Variants in CHD6 observed in about 807,000 individuals in gnomAD.
CHD6 encodes chromodomain helicase DNA binding protein 6.
Under a neutral mutation model 276.9 loss-of-function variants are expected in CHD6, and 50 were observed. The observed-to-expected ratio is 0.18, with a 90% CI of 0.14 to 0.23. The LOEUF is 0.23. Among genes scored for constraint, CHD6 ranks in the 10% least tolerant of loss-of-function variants. The probability of loss-of-function intolerance (pLI) is 1.00; values close to 1 mark genes in which losing one functional copy is unlikely to be tolerated. For missense variants in CHD6, 2,564 were observed against 3,365.8 expected, an observed-to-expected ratio of 0.76 and a Z score of 5.89; for synonymous variants, 1,173 against 1,229.3, an observed-to-expected ratio of 0.95 and a Z score of 0.96.
intron 1 of CHD6, among the ~76,000 whole-genome samples, chr20:41,586,491 C>T (rs1296817603): frequency 2.0e-5 from 3 of 152,180 alleles, no homozygotes; most frequent in African/African-American, 4.8e-5. Context: ...GAACTCACTG[C>T]GTGGGCCAAG....
intron 20 of CHD6, among the ~76,000 whole-genome samples, chr20:41,453,473 C>T (rs1046142288): frequency 3.3e-5 from 5 of 152,182 alleles, no homozygotes; most frequent in South Asian, 2.1e-4. Flanking sequence ...TCAGGAGCCT[C>T]GGTCATTCTG....
chr20:41,613,657 G>A (rs2045909442), intron 1 of CHD6, among the ~76,000 whole-genome samples: 1 of 152,192 alleles, frequency 6.6e-6, no homozygotes. Context: ...TCAGCATCCA[G>A]GCAGAAGATT....
chr20:41,440,942 A>G (rs1023773164), intron 25 of CHD6, among the ~76,000 whole-genome samples: 2 of 152,104 alleles, frequency 1.3e-5, no homozygotes, highest in South Asian at 2.1e-4. Context: ...TTTCATTTCT[A>G]TTTTGGTTTT....
chr20:41,454,791 A>C, intron 19 of CHD6, 55 bp from the exon 20 acceptor site: 1 of 1,226,338 alleles, frequency 8.2e-7, no homozygotes, highest in Non-Finnish European at 1.2e-6. Context: ...CAAACTAATA[A>C]AACACCAGTG....
rs200195592 is a variant in CHD6, at chr20:41,562,109, A to AC, written c.-23-10750_-23-10749insG. On this transcript the variant is annotated intron_variant, in intron 1 of 36. Coordinates refer to ENST00000373233, the MANE Select transcript of CHD6 (RefSeq NM_032221.5). The stretch of plus-strand genomic sequence containing the variant: ...CTAATTTTCTGTCTCATTTACAACA[A>AC]AACAAAAAAAAAACTCTTCATGTTC... Among the ~76,000 whole-genome samples, 363 of 151,908 alleles carry AC rather than the reference A, an allele frequency of 2.4e-3. 1 individual carries two copies. Among genetic ancestry groups the AC allele is most frequent in the African/African-American group, 7.2e-3 (298 of 41,438 alleles).
chr20:41,584,361 G>A (rs1480414457), intron 1 of CHD6, among the ~76,000 whole-genome samples: 2 of 152,116 alleles, frequency 1.3e-5, no homozygotes, highest in Admixed American at 1.3e-4. Flanking sequence ...GAATTGTAAG[G>A]AGAAATACAC....
intron 1 of CHD6, among the ~76,000 whole-genome samples, chr20:41,577,580 C>A (rs982564842): frequency 6.6e-6 from 1 of 152,192 alleles, no homozygotes; most frequent in Non-Finnish European, 1.5e-5. Context: ...TGCTCCTTTA[C>A]GTGGACATGT....
At chr20:41,456,082 TAC>T in intron 18 of CHD6, 103 bp from the exon 19 acceptor site, 1 of 1,130,218 alleles carries the variant, frequency 8.8e-7, no homozygotes, top group Non-Finnish European at 1.2e-6. Flanking sequence ...CTCCATGAAC[TAC>T]ATGTTAGAAC....
chr20:41,591,997 G>A (rs781191102), intron 1 of CHD6, among the ~76,000 whole-genome samples: 22 of 152,066 alleles, frequency 1.4e-4, no homozygotes, highest in Non-Finnish European at 2.4e-4. Context: ...TACTCAGGAG[G>A]CAGAGGCAAG....
intron 20 of CHD6, 61 bp from the exon 21 acceptor site, chr20:41,453,003 A>T (rs956298222): frequency 7.5e-7 from 1 of 1,331,344 alleles, no homozygotes; most frequent in Non-Finnish European, 1.1e-6. Flanking sequence ...TTCACAAAGC[A>T]TAAGTGTATC....
intron 31 of CHD6, 50 bp downstream of exon 31, chr20:41,420,458 C>T (rs139876534): frequency 5.8e-6 from 9 of 1,541,252 alleles, no homozygotes; most frequent in Middle Eastern, 1.8e-4. Flanking sequence ...AACCCCCCGT[C>T]GTGTGTGAAC....
chr20:41,514,218 T>C (rs967006176), intron 4 of CHD6, among the ~76,000 whole-genome samples: 2 of 152,214 alleles, frequency 1.3e-5, no homozygotes, highest in Non-Finnish European at 2.9e-5. Context: ...TCAGATAAAT[T>C]GCTAAGAATA....
At chr20:41,564,790 A>C (rs2045338004) in intron 1 of CHD6, among the ~76,000 whole-genome samples, 2 of 152,252 alleles carry the variant, frequency 1.3e-5, no homozygotes, top group South Asian at 2.1e-4. Flanking sequence ...GTGAAGAGGA[A>C]TCAGCAAAGG....
At chr20:41,571,245 T>C (rs1187796416) in intron 1 of CHD6, among the ~76,000 whole-genome samples, 2 of 152,094 alleles carry the variant, frequency 1.3e-5, no homozygotes, top group African/African-American at 2.4e-5. Flanking sequence ...CAAAGAGGTA[T>C]CTGTGAGGCC....
At chr20:41,412,781 TA>T (rs2046880157) in intron 35 of CHD6, among the ~76,000 whole-genome samples, 1 of 152,184 alleles carries the variant, frequency 6.6e-6, no homozygotes, top group Admixed American at 6.5e-5. Flanking sequence ...AGTCCTCTCC[TA>T]AAAATGTCTA....
intron 16 of CHD6, among the ~76,000 whole-genome samples, chr20:41,479,121 T>C (rs1468850926): frequency 6.6e-6 from 1 of 151,786 alleles, no homozygotes; most frequent in African/African-American, 2.4e-5. Flanking sequence ...GAAAAGTCAG[T>C]GAACTTGAAG....
chr20:41,577,593 T>C (rs2045488516), intron 1 of CHD6, among the ~76,000 whole-genome samples: 2 of 152,230 alleles, frequency 1.3e-5, no homozygotes, highest in Non-Finnish European at 1.5e-5. Flanking sequence ...GGACATGTAG[T>C]GTGTGTGTGT....
chr20:41,609,987 G>A (rs953439696), intron 1 of CHD6, among the ~76,000 whole-genome samples: 6 of 151,302 alleles, frequency 4.0e-5, no homozygotes, highest in Non-Finnish European at 5.9e-5. Context: ...CTCCCAAGTA[G>A]CTGGGATTAC....
In CHD6 at chr20:41,491,682, G is replaced by A; in HGVS notation, c.1436+16C>T. The stretch of plus-strand genomic sequence containing the variant: ...ACCTCTGGGTACAAACATCTGGGCT[G>A]GTTTTGGTTCCTTACCTGTTATACC... On this transcript the variant is annotated intron_variant, in intron 11 of 36. Coordinates refer to ENST00000373233, the MANE Select transcript of CHD6 (RefSeq NM_032221.5). 2.5e-6 allele frequency: 4 copies of A among 1,613,560 alleles called. No homozygotes were observed. The highest frequency in any genetic ancestry group is 3.4e-6 in the Non-Finnish European group (4 of 1,179,652).
Sources: allele counts gnomAD v4.1 joint callset (sites outside exome capture counted in the v4.1 genomes callset), GRCh38; gene constraint gnomAD v4.1.1; transcripts MANE v1.5; gene names NCBI Gene and HGNC (gene_info 2026-07-23, HGNC 2026-07-21).